Variants in MAP4K3 observed in about 807,000 individuals in gnomAD.
MAP4K3 encodes mitogen-activated protein kinase kinase kinase kinase 3.
MAP4K3 carries 94 observed loss-of-function variants against 143.5 expected under a neutral mutation model. That is an observed-to-expected ratio of 0.65 (90% CI 0.55 to 0.78). The LOEUF is 0.78. MAP4K3 is among the 30% of genes least tolerant of loss of function. The probability of loss-of-function intolerance (pLI) is 0.00; values close to 1 mark genes in which losing one functional copy is unlikely to be tolerated. For missense variants in MAP4K3, 1,077 were observed against 1,068.1 expected (o/e 1.01, Z -0.12); for synonymous variants, 416 against 347.2 (o/e 1.20, Z -2.20).
chr2:39,359,076 G>C (rs77265884), intron 2 of MAP4K3, among the ~76,000 whole-genome samples: 3 of 152,148 alleles, frequency 2.0e-5, no homozygotes, highest in Non-Finnish European at 4.4e-5. Context: ...GACAAGGCAA[G>C]TCCCTTCTAC....
At chr2:39,252,010 CTGTT>C (rs1481823331) in intron 32 of MAP4K3, 125 bp from the exon 33 acceptor site, 9 of 683,682 alleles carry the variant, frequency 1.3e-5, no homozygotes, top group Non-Finnish European at 2.1e-5. Context: ...TCCTGCATGA[CTGTT>C]TGTTAAAGTC....
intron 19 of MAP4K3, among the ~76,000 whole-genome samples, chr2:39,288,790 C>T (rs536498835): frequency 1.6e-4 from 24 of 152,274 alleles, no homozygotes; most frequent in South Asian, 1.2e-3. Context: ...CGGTGGCTCA[C>T]GCCTCTAATC....
At chr2:39,400,502 G>A (rs866366536) in intron 1 of MAP4K3, among the ~76,000 whole-genome samples, 4 of 151,870 alleles carry the variant, frequency 2.6e-5, no homozygotes, top group Admixed American at 6.6e-5. Context: ...GTTGAGCTTA[G>A]GTTTTATTGT....
At chr2:39,380,761 TC>T (rs1244074115) in intron 1 of MAP4K3, among the ~76,000 whole-genome samples, 1 of 152,038 alleles carries the variant, frequency 6.6e-6, no homozygotes, top group Non-Finnish European at 1.5e-5. Flanking sequence ...AAATCCAAAT[TC>T]CCTGTCAGAG....
intron 1 of MAP4K3, among the ~76,000 whole-genome samples, chr2:39,395,324 CACAT>C (rs1335838292): frequency 1.6e-4 from 6 of 36,604 alleles, no homozygotes; most frequent in African/African-American, 3.1e-4. Context: ...CATGCACGTA[CACAT>C]ACACACACAC....
intron 2 of MAP4K3, among the ~76,000 whole-genome samples, chr2:39,368,521 T>C (rs1665988254): frequency 2.0e-5 from 3 of 151,536 alleles, no homozygotes; most frequent in Admixed American, 2.0e-4. Flanking sequence ...ACTAAAAAAT[T>C]AGCTGGGTGT....
chr2:39,376,285 G>A (rs1352853649), intron 2 of MAP4K3, among the ~76,000 whole-genome samples: 3 of 152,142 alleles, frequency 2.0e-5, no homozygotes, highest in Admixed American at 1.3e-4. Flanking sequence ...AATAACTGGT[G>A]GCGGGGGGAA....
At chr2:39,352,176 A>T (rs1177206838) in intron 3 of MAP4K3, among the ~76,000 whole-genome samples, 1 of 152,124 alleles carries the variant, frequency 6.6e-6, no homozygotes, top group Non-Finnish European at 1.5e-5. Flanking sequence ...CCGTAATCCC[A>T]GCTACTCGGG....
Position 39,288,122 on chromosome 2 carries a change from T to C in MAP4K3, c.1473A>G (p.Leu491=). The change falls in exon 20 of 34, where the codon TTA becomes TTG. Residue 491 remains leucine, a splice_region_variant and synonymous_variant. Transcript: ENST00000263881. The stretch of plus-strand genomic sequence containing the variant: ...TTTGCTGTCACCCTCCACCATTACC[T>C]AAGGCAACAGGTTTGTGTGGGGGTA... ...PRLPPHKPVA[L]GNGMSSFQLN... is the part of the protein sequence containing the mutation. 6.2e-7 allele frequency: 1 copy of C among 1,613,978 alleles called. No individual in the cohort carries two copies. The highest frequency in any genetic ancestry group is 8.5e-7 in the Non-Finnish European group (1 of 1,179,952).
chr2:39,413,803 C>CAGAAT (rs1667296213), intron 1 of MAP4K3, among the ~76,000 whole-genome samples: 2 of 151,682 alleles, frequency 1.3e-5, no homozygotes, highest in Non-Finnish European at 2.9e-5. Flanking sequence ...GTGCTAAGAA[C>CAGAAT]CTCTTAAGTG....
intron 3 of MAP4K3, among the ~76,000 whole-genome samples, chr2:39,355,476 G>A (rs1007947887): frequency 6.6e-6 from 1 of 151,730 alleles, no homozygotes; most frequent in African/African-American, 2.4e-5. Flanking sequence ...AGGCTGCAGT[G>A]AGCCATGATC....
chr2:39,301,405 A>G (rs981495038), intron 15 of MAP4K3, among the ~76,000 whole-genome samples: 16 of 152,364 alleles, frequency 1.1e-4, no homozygotes, highest in Admixed American at 3.3e-4. Context: ...AGTGGTCATG[A>G]CTTTACCACT....
chr2:39,405,975 T>C (rs939045807), intron 1 of MAP4K3, among the ~76,000 whole-genome samples: 2 of 151,694 alleles, frequency 1.3e-5, no homozygotes, highest in Admixed American at 6.6e-5. Context: ...TTGAGGAAAC[T>C]AAAAAAAATT....
intron 3 of MAP4K3, 104 bp downstream of exon 3, chr2:39,356,145 T>C: frequency 3.0e-6 from 2 of 674,022 alleles, no homozygotes; most frequent in Non-Finnish European, 5.0e-6. Context: ...CTTCAAAGCA[T>C]GAAGAAAAAC....
chr2:39,380,824 T>C (rs1240136292), intron 1 of MAP4K3, among the ~76,000 whole-genome samples: 1 of 152,154 alleles, frequency 6.6e-6, no homozygotes, highest in African/African-American at 2.4e-5. Context: ...TTTATTGGGA[T>C]AGAATCCACA....
At chr2:39,429,884 C>A (rs1665230607) in intron 1 of MAP4K3, among the ~76,000 whole-genome samples, 1 of 152,112 alleles carries the variant, frequency 6.6e-6, no homozygotes, top group Non-Finnish European at 1.5e-5. Flanking sequence ...CTCAAAAGAA[C>A]AAGAGTCCAG....
intron 29 of MAP4K3, 77 bp downstream of exon 29, chr2:39,260,529 G>A (rs1375077916): frequency 2.5e-6 from 3 of 1,220,960 alleles, no homozygotes; most frequent in Admixed American, 2.2e-5. Flanking sequence ...TTTTTCCTTA[G>A]TAAGAGATAC....
At chr2:39,406,821 C>G (rs1344472703) in intron 1 of MAP4K3, among the ~76,000 whole-genome samples, 1 of 152,004 alleles carries the variant, frequency 6.6e-6, no homozygotes, top group East Asian at 1.9e-4. Flanking sequence ...CACAGAAAAA[C>G]AGAATATTAC....
intron 1 of MAP4K3, among the ~76,000 whole-genome samples, chr2:39,378,957 T>C (rs562249401): frequency 6.6e-6 from 1 of 152,028 alleles, no homozygotes; most frequent in South Asian, 2.1e-4. Flanking sequence ...TCTTTGTCAA[T>C]TTAAGATATT....
Sources: allele counts gnomAD v4.1 joint callset (sites outside exome capture counted in the v4.1 genomes callset), GRCh38; gene constraint gnomAD v4.1.1; transcripts MANE v1.5; gene names NCBI Gene and HGNC (gene_info 2026-07-23, HGNC 2026-07-21).